CTNND2: variants seen among roughly 807,000 people sequenced by gnomAD.
CTNND2 encodes catenin delta 2.
Under a neutral mutation model 144.4 loss-of-function variants are expected in CTNND2, and 22 were observed. That is an observed-to-expected ratio of 0.15 (90% CI 0.11 to 0.22). The LOEUF is 0.22. Ranked by LOEUF, CTNND2 falls within the 10% of genes least tolerant of loss-of-function variation. CTNND2 has a pLI of 1.00. For missense variants in CTNND2, 1,353 were observed against 1,618.8 expected (o/e 0.84, Z 2.82); for synonymous variants, 751 against 695.6 (o/e 1.08, Z -1.25).
At chr5:11,628,787 A>G (rs1395541371) in intron 2 of CTNND2, among the ~76,000 whole-genome samples, 6 of 151,928 alleles carry the variant, frequency 3.9e-5, no homozygotes, top group Admixed American at 2.0e-4. Context: ...AAAAAAAAAG[A>G]GTGGTTAAAG....
chr5:11,234,270 T>G (rs1741373569), intron 10 of CTNND2, among the ~76,000 whole-genome samples: 1 of 151,956 alleles, frequency 6.6e-6, no homozygotes. Flanking sequence ...CACTTAGAAA[T>G]ATACATAAAA....
chr5:11,658,611 T>C (rs970573647), intron 2 of CTNND2, among the ~76,000 whole-genome samples: 1 of 152,176 alleles, frequency 6.6e-6, no homozygotes, highest in African/African-American at 2.4e-5. Context: ...ATCCCTCATC[T>C]TTGTCAAGGC....
intron 2 of CTNND2, among the ~76,000 whole-genome samples, chr5:11,687,731 G>T (rs1014091552): frequency 3.3e-5 from 5 of 152,196 alleles, no homozygotes; most frequent in Non-Finnish European, 7.3e-5. Context: ...TGGAGCACGT[G>T]TTCTAGTGGA....
At chr5:11,335,124 C>T (rs1334135308) in intron 9 of CTNND2, among the ~76,000 whole-genome samples, 1 of 152,102 alleles carries the variant, frequency 6.6e-6, no homozygotes, top group African/African-American at 2.4e-5. Context: ...CAGTTATAGT[C>T]GCTGAACATG....
At chr5:11,571,044 G>A (rs1424951906) in intron 2 of CTNND2, among the ~76,000 whole-genome samples, 2 of 151,716 alleles carry the variant, frequency 1.3e-5, no homozygotes, top group Non-Finnish European at 2.9e-5. Context: ...TAATTTCTCG[G>A]AGCTAGTTTT....
chr5:11,825,573 C>T (rs10063136), intron 1 of CTNND2, among the ~76,000 whole-genome samples: 10,322 of 151,932 alleles, frequency 0.068, 933 homozygotes, highest in African/African-American at 0.21. Flanking sequence ...CAAGAAGAGA[C>T]AACAAACCAG....
At chr5:11,838,985 T>C (rs1794318144) in intron 1 of CTNND2, among the ~76,000 whole-genome samples, 1 of 152,176 alleles carries the variant, frequency 6.6e-6, no homozygotes, top group Admixed American at 6.6e-5. Context: ...AATAAAGTGG[T>C]AGAATGATGT....
intron 3 of CTNND2, among the ~76,000 whole-genome samples, chr5:11,548,838 T>G (rs1320659101): frequency 6.6e-6 from 1 of 152,210 alleles, no homozygotes; most frequent in Admixed American, 6.5e-5. Context: ...GTTTATTTCT[T>G]TATTAGTTGA....
At chr5:11,684,259 G>A (rs997629770) in intron 2 of CTNND2, among the ~76,000 whole-genome samples, 9 of 151,616 alleles carry the variant, frequency 5.9e-5, no homozygotes, top group Middle Eastern at 3.2e-3. Context: ...TCGCCACCAC[G>A]CCTGGCTAAT....
In CTNND2 at chr5:11,082,792, C is replaced by T. The variant is rs1749720530; in HGVS notation, c.2692G>A (p.Val898Met). 4 of 1,614,050 alleles carry T rather than the reference C, an allele frequency of 2.5e-6. No individual in the cohort carries two copies. Among genetic ancestry groups the T allele is most frequent in the Admixed American group, 1.7e-5 (1 of 60,006 alleles). ...TCATTGTCTATTCGGAGCAGCTCCA[C>T]GAGGATGGGCAGGCCTTTCTCTTTT... The part of the protein sequence containing the change: ...VRKEKGLPIL[V>M]ELLRIDNDRV... Residue 898 changes from valine to methionine, a missense_variant, in exon 16 of 22, where the codon GTG (valine) becomes ATG (methionine). Transcript: ENST00000304623.
chr5:11,897,589 T>C (rs562007613), intron 1 of CTNND2, among the ~76,000 whole-genome samples: 1 of 152,150 alleles, frequency 6.6e-6, no homozygotes, highest in Non-Finnish European at 1.5e-5. Flanking sequence ...AGCGATCCAA[T>C]TATTGGCAGT....
At chr5:11,565,190 C>T (rs1389665475) in intron 2 of CTNND2, 134 bp from the exon 3 acceptor site, 6 of 678,280 alleles carry the variant, frequency 8.8e-6, no homozygotes, top group South Asian at 5.3e-5. Flanking sequence ...TGCAATAAAA[C>T]TAGGATTCGA....
intron 2 of CTNND2, among the ~76,000 whole-genome samples, chr5:11,583,292 C>T (rs1365063857): frequency 1.3e-5 from 2 of 152,144 alleles, no homozygotes; most frequent in African/African-American, 4.8e-5. Context: ...GGGAAAAGTG[C>T]CTGGAGCACC....
intron 9 of CTNND2, among the ~76,000 whole-genome samples, chr5:11,304,030 G>A (rs577773064): frequency 1.3e-5 from 2 of 152,036 alleles, no homozygotes; most frequent in Non-Finnish European, 2.9e-5. Flanking sequence ...GTAAGAGGTG[G>A]CTTTCACCTT....
chr5:11,565,163 G>T, intron 2 of CTNND2, 107 bp from the exon 3 acceptor site: 1 of 765,492 alleles, frequency 1.3e-6, no homozygotes, highest in Non-Finnish European at 2.2e-6. Flanking sequence ...TTTCCAAGAT[G>T]TCAAATTTGA....
chr5:11,295,090 C>T (rs1748766963), intron 9 of CTNND2, among the ~76,000 whole-genome samples: 1 of 152,156 alleles, frequency 6.6e-6, no homozygotes, highest in African/African-American at 2.4e-5. Context: ...ACCCCACTGT[C>T]TCCGCCCAAA....
At chr5:11,674,986 G>T (rs1164547842) in intron 2 of CTNND2, among the ~76,000 whole-genome samples, 2 of 152,068 alleles carry the variant, frequency 1.3e-5, no homozygotes, top group Non-Finnish European at 2.9e-5. Flanking sequence ...TCAGGCATAT[G>T]TAGTTTTATC....
intron 16 of CTNND2, among the ~76,000 whole-genome samples, chr5:11,042,585 T>G (rs1298107532): frequency 6.6e-6 from 1 of 152,228 alleles, no homozygotes; most frequent in African/African-American, 2.4e-5. Flanking sequence ...CCCAAGTCAA[T>G]TTTTGTCCTG....
chr5:11,060,961 C>CT (rs5865916), intron 16 of CTNND2, among the ~76,000 whole-genome samples: 13,584 of 151,632 alleles, frequency 0.09, 1,199 homozygotes, highest in African/African-American at 0.22. Flanking sequence ...CTTTAACTAT[C>CT]TTTTTTTTTC....
Sources: gnomAD v4.1 joint callset for allele counts (sites outside exome capture counted in the v4.1 genomes callset) on GRCh38, gnomAD v4.1.1 for gene constraint, MANE v1.5 for transcripts, NCBI Gene and HGNC (gene_info 2026-07-23, HGNC 2026-07-21) for gene names.